The following COG5 variants were observed in gnomAD, a reference collection of about 807,000 sequenced individuals.
COG5 encodes the protein component of oligomeric golgi complex 5, also known as conserved oligomeric Golgi complex subunit 5.
Under a neutral mutation model 110.4 loss-of-function variants are expected in COG5, and 86 were observed. The ratio of observed to expected loss-of-function variants is 0.78; its 90% confidence interval spans 0.65 to 0.93. COG5 has a LOEUF of 0.93. COG5 is among the 40% of genes least tolerant of loss of function. COG5 has a pLI of 0.00. For missense variants in COG5, 1,077 were observed against 987.0 expected (o/e 1.09, Z -1.22); for synonymous variants, 360 against 334.6 (o/e 1.08, Z -0.83).
intron 10 of COG5, among the ~76,000 whole-genome samples, chr7:107,334,715 G>C (rs1810561940): frequency 6.6e-6 from 1 of 151,604 alleles, no homozygotes. Context: ...GACAGAAGTT[G>C]AAAGGATTCA....
In COG5 at chr7:107,202,089, C is replaced by G. The variant is rs1798368134; in HGVS notation, c.*1427G>C. ...ATCCGTTATTATTTCCAATGGAGACCTAGCCCAGGCCAAGGTAAAGTTAGT... is the reference window on the plus strand; with the variant it reads ...ATCCGTTATTATTTCCAATGGAGACGTAGCCCAGGCCAAGGTAAAGTTAGT... On this transcript the variant is annotated 3_prime_UTR_variant, in exon 22 of 22. Transcript: ENST00000297135. The G allele has an allele frequency of 6.5e-6, 1 of 152,676 alleles. No individual in the cohort carries two copies. Among genetic ancestry groups the G allele is most frequent in the African/African-American group, 2.4e-5 (1 of 41,456 alleles). 9.5% of individuals were successfully genotyped at this position (152,676 alleles called of 1,614,324 possible).
At chr7:107,289,598 T>C (rs1316465441) in intron 12 of COG5, among the ~76,000 whole-genome samples, 2 of 152,236 alleles carry the variant, frequency 1.3e-5, no homozygotes, top group Admixed American at 6.5e-5. Flanking sequence ...TTGGGGGGCA[T>C]TACCATCTTA....
In COG5 at chr7:107,474,531, T is replaced by G. The variant is rs781440655; in HGVS notation, c.538+52706A>C. ...ACCGAATTCTGACAATGGGCAGAGC[T>G]GTAATGTTAATGATATCCATTTGGA... On this transcript the variant is annotated intron_variant, in intron 6 of 21. Coordinates refer to ENST00000297135, the MANE Select transcript of COG5 (RefSeq NM_006348.5). This position sits in a 1 kb window ranked among gnomAD's most constrained non-coding sequence, Gnocchi z 5.7. 7.4e-6 allele frequency: 12 copies of G among 1,611,924 alleles called. No homozygotes were observed. The highest frequency in any genetic ancestry group is 1.7e-5 in the Admixed American group (1 of 59,854).
chr7:107,242,612 G>A (rs1801731678), intron 17 of COG5, among the ~76,000 whole-genome samples: 1 of 152,196 alleles, frequency 6.6e-6, no homozygotes, highest in South Asian at 2.1e-4. Context: ...CTGGATTAAT[G>A]AAGGAGCAAA....
chr7:107,519,079 AT>A, intron 6 of COG5, among the ~76,000 whole-genome samples: 1 of 152,228 alleles, frequency 6.6e-6, no homozygotes, highest in East Asian at 1.9e-4. Context: ...AAAGGAAGAA[AT>A]CAAGAAGTTC....
intron 21 of COG5, chr7:107,209,086 C>CACCT: frequency 2.0e-6 from 2 of 985,344 alleles, no homozygotes; most frequent in Non-Finnish European, 2.4e-6. Context: ...GGTTTAGAAC[C>CACCT]ACCTCATCAT....
At chr7:107,321,946 A>G (rs1809331858) in intron 11 of COG5, among the ~76,000 whole-genome samples, 1 of 152,234 alleles carries the variant, frequency 6.6e-6, no homozygotes, top group Admixed American at 6.5e-5. Flanking sequence ...AGGGGAAAAT[A>G]TCTTCAAAAC....
chr7:107,402,608 AAAAT>A (rs1449845071), intron 7 of COG5, among the ~76,000 whole-genome samples: 1 of 152,206 alleles, frequency 6.6e-6, no homozygotes, highest in African/African-American at 2.4e-5. Context: ...TAATCCTGAA[AAAAT>A]AAATAAACAA....
intron 1 of COG5, chr7:107,563,382 A>G: frequency 6.9e-6 from 2 of 290,224 alleles, no homozygotes; most frequent in South Asian, 6.3e-5. Context: ...CTACTTTAAA[A>G]CAAGGCCCTA....
chr7:107,312,895 T>A (rs1387053796), intron 11 of COG5, among the ~76,000 whole-genome samples: 1 of 151,380 alleles, frequency 6.6e-6, no homozygotes, highest in Non-Finnish European at 1.5e-5. Flanking sequence ...AGGACAGGAG[T>A]GAAAAATTAG....
chr7:107,262,931 T>C (rs1562939676), intron 14 of COG5, among the ~76,000 whole-genome samples: 1 of 152,214 alleles, frequency 6.6e-6, no homozygotes, highest in Non-Finnish European at 1.5e-5. Flanking sequence ...TTAAAAATGG[T>C]AATACCACAT....
In COG5 at chr7:107,484,346, A is replaced by T. The variant is rs111582624; in HGVS notation, c.538+42891T>A. On this transcript the variant is annotated intron_variant, in intron 6 of 21. Transcript: ENST00000297135. ...GTATTCTTACAAGAGGTGAGCCACA[A>T]ATTGCTCCTTATGATTTCTTTTTAA... is the stretch of plus-strand genomic sequence containing the variant. 6.6e-5 allele frequency among the ~76,000 whole-genome samples: 10 copies of T among 152,288 alleles called. 3 individuals are homozygous for T. Among genetic ancestry groups the T allele is most frequent in the African/African-American group, 2.4e-4 (10 of 41,552 alleles).
chr7:107,440,878 T>C (rs1794664574), intron 6 of COG5, among the ~76,000 whole-genome samples: 1 of 152,188 alleles, frequency 6.6e-6, no homozygotes, highest in Non-Finnish European at 1.5e-5. Flanking sequence ...TCCTGAGTTG[T>C]ATCCTTTATT....
At chr7:107,492,340 T>C (rs995321317) in intron 6 of COG5, among the ~76,000 whole-genome samples, 1 of 152,106 alleles carries the variant, frequency 6.6e-6, no homozygotes, top group Non-Finnish European at 1.5e-5. Context: ...TAGTTTCTTA[T>C]TGCTACCGTA....
intron 2 of COG5, among the ~76,000 whole-genome samples, chr7:107,555,322 G>A (rs1393895319): frequency 2.0e-5 from 3 of 152,174 alleles, no homozygotes; most frequent in Non-Finnish European, 2.9e-5. Context: ...TTATTATTGT[G>A]TGCCTTTTAT....
At chr7:107,254,796 T>A (rs1231248099) in intron 16 of COG5, among the ~76,000 whole-genome samples, 2 of 152,198 alleles carry the variant, frequency 1.3e-5, no homozygotes, top group Non-Finnish European at 2.9e-5. Context: ...TCCAAGTGAT[T>A]TTTATCATCA....
At chr7:107,435,560 C>A (rs1222043533) in intron 6 of COG5, among the ~76,000 whole-genome samples, 1 of 151,586 alleles carries the variant, frequency 6.6e-6, no homozygotes, top group Admixed American at 6.6e-5. Context: ...GGCTGAGGCA[C>A]GAGAATTGCT....
Position 107,210,609 on chromosome 7 carries a change from C to T in COG5, c.2296-4G>A. ...GTGTGTGGGACCACTCTGCCCTCTGCAGGGTTGAAACACAATTAGAGAGAG... is the reference window on the plus strand; with the variant it reads ...GTGTGTGGGACCACTCTGCCCTCTGTAGGGTTGAAACACAATTAGAGAGAG... On this transcript the variant is annotated splice_polypyrimidine_tract_variant and splice_region_variant and intron_variant, in intron 20 of 21. Transcript: ENST00000297135. 6.3e-7 allele frequency: 1 copy of T among 1,596,518 alleles called. No homozygotes were observed. The highest frequency in any genetic ancestry group is 8.5e-7 in the Non-Finnish European group (1 of 1,170,806).
intron 6 of COG5, among the ~76,000 whole-genome samples, chr7:107,437,855 T>G (rs1357701432): frequency 6.6e-6 from 1 of 152,130 alleles, no homozygotes; most frequent in East Asian, 1.9e-4. Context: ...CTAACCAAAC[T>G]ATAATTTTGT....
Sources: gnomAD v4.1 joint callset for allele counts (sites outside exome capture counted in the v4.1 genomes callset) on GRCh38, gnomAD v4.1.1 for gene constraint, Gnocchi (gnomAD v3.1) non-coding constraint, MANE v1.5 for transcripts, NCBI Gene and HGNC (gene_info 2026-07-23, HGNC 2026-07-21) for gene names.